Variants in EIF2A observed in about 807,000 individuals in gnomAD.
The protein encoded by EIF2A is eukaryotic translation initiation factor 2A, also known as 65 kDa eukaryotic translation initiation factor 2A.
In EIF2A, 62 loss-of-function variants were observed where a neutral mutation model predicts 75.2. That is an observed-to-expected ratio of 0.82 (90% CI 0.67 to 1.02). The LOEUF (loss-of-function observed/expected upper bound fraction) is 1.02. EIF2A is among the 50% of genes least tolerant of loss of function. The pLI, the probability that EIF2A is intolerant of heterozygous loss-of-function variation, is 0.00. For missense variants in EIF2A, 611 were observed against 677.7 expected, an observed-to-expected ratio of 0.90 and a Z score of 1.09; for synonymous variants, 207 against 239.0, an observed-to-expected ratio of 0.87 and a Z score of 1.23.
At chr3:150,577,446 T>C (rs1724939965) in intron 11 of EIF2A, among the ~76,000 whole-genome samples, 2 of 152,148 alleles carry the variant, frequency 1.3e-5, no homozygotes, top group South Asian at 2.1e-4. Context: ...TGAGCTCAAC[T>C]AATCCTGCCT....
rs1214215857 is a variant in EIF2A at position 150,581,687 on chromosome 3, G to C, written c.1567G>C (p.Val523Leu). 1.3e-6 allele frequency: 2 copies of C among 1,553,630 alleles called. No homozygotes were observed. Among genetic ancestry groups the C allele is most frequent in the Non-Finnish European group, 8.7e-7 (1 of 1,147,964 alleles). ...PAPQSTPRNT[V>L]SQSISGDPEI... ...CCCACAGAGCACACCACGAAACACT[G>C]TCTCTCAGTCAATTTCTGGGGACCC... Residue 523 changes from valine to leucine, a missense_variant, in exon 12 of 14, where the codon GTC (valine) becomes CTC (leucine). Val to Leu is a conservative substitution (Grantham distance 32, BLOSUM62 1). Transcript: ENST00000460851.
intron 9 of EIF2A, among the ~76,000 whole-genome samples, chr3:150,571,620 A>G (rs986250185): frequency 3.9e-5 from 6 of 152,316 alleles, no homozygotes; most frequent in Admixed American, 2.0e-4. Context: ...AAATAAATAA[A>G]TAAACAAATA....
At position 150,546,833 on chromosome 3, in the gene EIF2A, G is replaced by A. The variant is rs73869253; in HGVS notation, c.28+3G>A. Reference sequence around the variant, plus strand: ...GCCGTCCACGCCGCTCTTGACAGGTGAGTTCTGAAGAAGCGAGGGACTCTC... The same window carrying A: ...GCCGTCCACGCCGCTCTTGACAGGTAAGTTCTGAAGAAGCGAGGGACTCTC... On this transcript the variant is annotated splice_donor_region_variant and intron_variant, in intron 1 of 13. Coordinates refer to ENST00000460851, the MANE Select transcript of EIF2A (RefSeq NM_032025.5). 15 of 1,612,088 alleles carry A rather than the reference G, an allele frequency of 9.3e-6. No individual in the cohort carries two copies. In the African/African-American group the frequency reaches 2.0e-4, roughly 21 times the overall value.
chr3:150,563,659 A>G, intron 5 of EIF2A, 45 bp downstream of exon 5: 2 of 1,318,400 alleles, frequency 1.5e-6, no homozygotes, highest in Non-Finnish European at 2.1e-6. Flanking sequence ...TAGTATTTTT[A>G]ATGTCATCAC....
At chr3:150,562,257 C>T (rs536590534) in intron 3 of EIF2A, among the ~76,000 whole-genome samples, 2,120 of 151,914 alleles carry the variant, frequency 0.014, 28 homozygotes, top group Non-Finnish European at 0.021. Flanking sequence ...CCCATCTCTA[C>T]TAAAAATACA....
At chr3:150,579,774 G>C (rs1208260150) in intron 11 of EIF2A, among the ~76,000 whole-genome samples, 5 of 152,000 alleles carry the variant, frequency 3.3e-5, no homozygotes, top group Admixed American at 3.3e-4. Context: ...GACTTTTAGA[G>C]TTGAATATCT....
intron 6 of EIF2A, chr3:150,565,299 T>A: frequency 2.3e-6 from 1 of 440,400 alleles, no homozygotes; most frequent in South Asian, 1.6e-5. Flanking sequence ...TGTCTGGTTG[T>A]CTTTAATTTT....
intron 3 of EIF2A, among the ~76,000 whole-genome samples, 157 bp from the exon 4 acceptor site, chr3:150,562,385 G>GCACTC (rs1055770814): frequency 1.3e-5 from 2 of 150,986 alleles, no homozygotes; most frequent in African/African-American, 4.9e-5. Context: ...TTGCGCCACT[G>GCACTC]CACTCCAACC....
At position 150,562,597 on chromosome 3, in the gene EIF2A, A is replaced by G. The variant is rs775001699; in HGVS notation, c.229A>G (p.Lys77Glu). 6.2e-7 allele frequency: 1 copy of G among 1,613,666 alleles called. No homozygotes were observed. Among genetic ancestry groups the G allele is most frequent in the Non-Finnish European group, 8.5e-7 (1 of 1,179,734 alleles). ...ACTACTGCACTCCTTCGACCTCCTG[A>G]AGGCAGTTTGCCTTGAATTCTCACC... ...KGLLHSFDLL[K>E]AVCLEFSPKN... The change falls in exon 4 of 14, where the codon AAG (lysine) becomes GAG (glutamate). Residue 77 changes from lysine (K) to glutamate (E), a missense_variant. Lys to Glu is a moderately conservative substitution (Grantham distance 56, BLOSUM62 1). Coordinates refer to ENST00000460851, the MANE Select transcript of EIF2A (RefSeq NM_032025.5).
chr3:150,566,278 T>G (rs1724181440), intron 6 of EIF2A: 2 of 152,206 alleles, frequency 1.3e-5, no homozygotes, highest in Admixed American at 1.3e-4. Context: ...CCATTACACC[T>G]AGAACTGGCT....
chr3:150,560,372 G>T (rs1414674712), intron 3 of EIF2A, among the ~76,000 whole-genome samples: 1 of 152,142 alleles, frequency 6.6e-6, no homozygotes, highest in Admixed American at 6.5e-5. Flanking sequence ...AACCGTTACT[G>T]ATTCTTCCTT....
chr3:150,572,152 A>T lies in EIF2A; in HGVS notation c.1006A>T (p.Asn336Tyr), dbSNP rs781367108. ...TATATTAGTATTAGCTGGATTTGGA[A>T]ATCTGAGGGGACAAATGGAAGTGTG... is the stretch of plus-strand genomic sequence containing the variant. Reference protein sequence around the residue: ...GHILVLAGFGNLRGQMEVWDV... With the variant: ...GHILVLAGFGYLRGQMEVWDV... The change falls in exon 10 of 14, where the codon AAT becomes TAT. Residue 336 changes from asparagine to tyrosine, a missense_variant. Coordinates refer to ENST00000460851, the MANE Select transcript of EIF2A (RefSeq NM_032025.5). 6.2e-7 allele frequency: 1 copy of T among 1,613,964 alleles called. No individual in the cohort carries two copies. The highest frequency in any genetic ancestry group is 1.7e-5 in the Admixed American group (1 of 60,004).
chr3:150,564,424 C>T (rs62269102), intron 6 of EIF2A, 43 bp downstream of exon 6: 55 of 1,465,144 alleles, frequency 3.8e-5, no homozygotes, highest in Admixed American at 2.2e-4. Context: ...TTACTGTAAT[C>T]GTATACAGTT....
At chr3:150,555,920 A>C (rs958387556) in intron 2 of EIF2A, among the ~76,000 whole-genome samples, 11 of 152,116 alleles carry the variant, frequency 7.2e-5, no homozygotes, top group Admixed American at 6.5e-5. Flanking sequence ...TCATGTGTGC[A>C]AAATTTTTGT....
At chr3:150,560,365 C>T (rs2107918880) in intron 3 of EIF2A, among the ~76,000 whole-genome samples, 1 of 152,220 alleles carries the variant, frequency 6.6e-6, no homozygotes, top group African/African-American at 2.4e-5. Flanking sequence ...AGTCAGAAAC[C>T]GTTACTGATT....
chr3:150,563,958 AC>A (rs1724024468), intron 5 of EIF2A, among the ~76,000 whole-genome samples: 1 of 152,118 alleles, frequency 6.6e-6, no homozygotes, highest in Non-Finnish European at 1.5e-5. Context: ...AGCTGGGACT[AC>A]AGGCACGTGC....
At chr3:150,547,159 C>A in intron 1 of EIF2A, 1 of 373,316 alleles carries the variant, frequency 2.7e-6, no homozygotes, top group Non-Finnish European at 5.1e-6. Context: ...TACACGGGCC[C>A]TTGTGAAGTC....
rs770072586 is a variant in EIF2A at position 150,583,837 on chromosome 3, CT to C, written c.1693-5del. 5.3e-5 allele frequency: 86 copies of C among 1,612,526 alleles called. No individual in the cohort carries two copies. Among genetic ancestry groups the C allele is most frequent in the Non-Finnish European group, 7.0e-5 (83 of 1,179,202 alleles). ...TTCATAATAACTTCATTGTTTCAAA[CT>C]TTTCTAGTTGGAGAAAATTCAGAAA... On this transcript the variant is annotated splice_polypyrimidine_tract_variant and splice_region_variant and intron_variant, in intron 13 of 13. Transcript: ENST00000460851.
chr3:150,572,423 T>A lies in EIF2A; in HGVS notation c.1277T>A (p.Ile426Lys). 1 of 1,613,988 alleles carries A rather than the reference T, an allele frequency of 6.2e-7. No individual in the cohort carries two copies. The highest frequency in any genetic ancestry group is 8.5e-7 in the Non-Finnish European group (1 of 1,179,894). The change falls in exon 10 of 14, where the codon ATA (isoleucine) becomes AAA (lysine). Residue 426 changes from isoleucine (I) to lysine (K), a missense_variant. By Grantham distance (102) the Ile-to-Lys change is moderately radical. Transcript: ENST00000460851. ...GATGGAATATTTCCAGCAAAAACAA[T>A]AACTTACCAAGCAGTTCCAAGTGAA... ...FLDGIFPAKTITYQAVPSEVP... is the reference protein window; with the variant it reads ...FLDGIFPAKTKTYQAVPSEVP...
Sources: allele counts gnomAD v4.1 joint callset (sites outside exome capture counted in the v4.1 genomes callset), GRCh38; gene constraint gnomAD v4.1.1; transcripts MANE v1.5; gene names NCBI Gene and HGNC (gene_info 2026-07-23, HGNC 2026-07-21).